SDC4: variants seen among roughly 807,000 people sequenced by gnomAD.
The protein encoded by SDC4 is syndecan-4.
In SDC4, 17 loss-of-function variants were observed where a neutral mutation model predicts 20.5. The ratio of observed to expected loss-of-function variants is 0.83; its 90% CI spans 0.57 to 1.25. The LOEUF (loss-of-function observed/expected upper bound fraction) is 1.25. SDC4 is among the 50% of genes most tolerant of loss of function. The pLI is 0.00. For synonymous variants in SDC4, 107 were observed against 105.3 expected, an observed-to-expected ratio of 1.02 and a Z score of -0.10; for missense variants, 241 against 252.3, an observed-to-expected ratio of 0.96 and a Z score of 0.30.
In SDC4 at chr20:45,348,214, G is replaced by C. The variant is rs1019768125; in HGVS notation, c.60+111C>G. ...TTTCCCGGGCCTCGGTGTCCGGTTG[G>C]GGGTAGCGTACCCCCGATCTGCCCC... is the stretch of plus-strand genomic sequence containing the variant. On this transcript the variant is annotated intron_variant, in intron 1 of 4. Coordinates refer to ENST00000372733, the MANE Select transcript of SDC4 (RefSeq NM_002999.4). The C allele has an allele frequency of 6.8e-6, 7 of 1,026,986 alleles. No homozygotes were observed. The East Asian group carries it at 1.4e-4, about 21-fold the overall frequency. 63.6% of individuals were successfully genotyped at this position (1,026,986 alleles called of 1,614,324 possible). A position where few individuals can be genotyped will look rare whatever the true frequency, so the allele number is the denominator to read the frequency against.
chr20:45,345,290 AAGAG>A (rs1988015795), intron 1 of SDC4: 1 of 152,280 alleles, frequency 6.6e-6, no homozygotes, highest in South Asian at 2.1e-4. Context: ...TAATTCCTTC[AAGAG>A]AGAGACCTCT....
chr20:45,330,579 A>G lies in SDC4; in HGVS notation c.247-15T>C, dbSNP rs1380720687. Reference sequence around the variant, plus strand: ...TCTAGAGGCACCTGGATGGGCGGAAAGGAGAAGAGACACTCAGCGTATTTT... The same window carrying G: ...TCTAGAGGCACCTGGATGGGCGGAAGGGAGAAGAGACACTCAGCGTATTTT... On this transcript the variant is annotated splice_polypyrimidine_tract_variant and intron_variant, in intron 3 of 4. Transcript: ENST00000372733. The G allele has an allele frequency of 6.2e-7, 1 of 1,611,398 alleles. No homozygotes were observed. Among genetic ancestry groups the G allele is most frequent in the African/African-American group, 1.3e-5 (1 of 74,860 alleles).
Position 45,333,080 on chromosome 20 carries a change from A to C in SDC4, c.200-11T>G. ...AGTCTTCCAAGTCATCTGTAAGGTC[A>C]GAATAGCTGTGTGAGTGAGGTCCAT... On this transcript the variant is annotated splice_polypyrimidine_tract_variant and intron_variant, in intron 2 of 4. Transcript: ENST00000372733. The C allele has an allele frequency of 6.2e-7, 1 of 1,614,118 alleles. No homozygotes were observed. The highest frequency in any genetic ancestry group is 8.5e-7 in the Non-Finnish European group (1 of 1,179,926).
chr20:45,334,222 C>G (rs969020001), intron 2 of SDC4, among the ~76,000 whole-genome samples: 2 of 151,996 alleles, frequency 1.3e-5, no homozygotes, highest in African/African-American at 4.8e-5. Flanking sequence ...TGGTCTCGAT[C>G]TCTTGACCTT....
intron 1 of SDC4, among the ~76,000 whole-genome samples, chr20:45,336,875 C>T (rs887957259): frequency 2.6e-5 from 4 of 151,974 alleles, no homozygotes; most frequent in Non-Finnish European, 5.9e-5. Flanking sequence ...TGGATTCAGT[C>T]TTGCCTTCCA....
At chr20:45,348,183 A>G (rs1033732803) in intron 1 of SDC4, 142 bp downstream of exon 1, 28 of 845,270 alleles carry the variant, frequency 3.3e-5, no homozygotes, top group Non-Finnish European at 5.1e-5. Flanking sequence ...AAAGTTTCCA[A>G]CAAAGTTTCC....
At chr20:45,328,104 G>T (rs1041698035) in intron 4 of SDC4, among the ~76,000 whole-genome samples, 3 of 152,172 alleles carry the variant, frequency 2.0e-5, no homozygotes, top group African/African-American at 7.2e-5. Context: ...TTAGCACAGG[G>T]CACTCTCTAG....
chr20:45,336,293 G>C (rs2741470), intron 1 of SDC4, among the ~76,000 whole-genome samples: 1 of 152,102 alleles, frequency 6.6e-6, no homozygotes, highest in South Asian at 2.1e-4. Flanking sequence ...TACGCCTGTA[G>C]TCCCAGCTAC....
In SDC4 at chr20:45,330,436, C is replaced by T. The variant is rs1228960136; in HGVS notation, c.375G>A (p.Val125=). 2 of 1,614,216 alleles carry T rather than the reference C, an allele frequency of 1.2e-6. No homozygotes were observed. The highest frequency in any genetic ancestry group is 2.2e-5 in the South Asian group (2 of 91,082). ...TGCTGGACATTGACACCTTGTTGGA[C>T]ACATCCTCACTCTCTTCAACGGGTG... ...RISPVEESED[V]SNKVSMSSTV... Residue 125 remains valine, a synonymous_variant, in exon 4 of 5, where the codon GTG becomes GTA. Coordinates refer to ENST00000372733, the MANE Select transcript of SDC4 (RefSeq NM_002999.4).
intron 4 of SDC4, among the ~76,000 whole-genome samples, chr20:45,327,712 C>T (rs1430500416): frequency 6.6e-6 from 1 of 152,168 alleles, no homozygotes; most frequent in Non-Finnish European, 1.5e-5. Flanking sequence ...GGCGTGATCT[C>T]GGCTTACTGC....
chr20:45,342,577 G>A (rs1029918696), intron 1 of SDC4, among the ~76,000 whole-genome samples: 5 of 152,114 alleles, frequency 3.3e-5, no homozygotes, highest in Admixed American at 6.5e-5. Flanking sequence ...CCGAGCTCCC[G>A]GGCCTGGAGG....
At chr20:45,327,691 C>T (rs1461780093) in intron 4 of SDC4, among the ~76,000 whole-genome samples, 1 of 54,686 alleles carries the variant, frequency 1.8e-5, no homozygotes, top group South Asian at 5.0e-4. Context: ...GTTGCCCGAG[C>T]TGAGTGCAGT....
In SDC4 at chr20:45,348,391, G is replaced by A. The variant is rs1466990314; in HGVS notation, c.-7C>T. The A allele has an allele frequency of 1.9e-6, 3 of 1,567,136 alleles. No homozygotes were observed. The highest frequency in any genetic ancestry group is 2.3e-5 in the South Asian group (2 of 85,926). On this transcript the variant is annotated 5_prime_UTR_variant, in exon 1 of 5. Coordinates refer to ENST00000372733, the MANE Select transcript of SDC4 (RefSeq NM_002999.4). Reference sequence around the variant, plus strand: ...ACAGACGGGCGGGGGCCATGGCACCGCGGACTGGAGAAGGCGCGCAGGCTG... The same window carrying A: ...ACAGACGGGCGGGGGCCATGGCACCACGGACTGGAGAAGGCGCGCAGGCTG...
chr20:45,332,421 A>G (rs1987792147), intron 3 of SDC4, among the ~76,000 whole-genome samples: 2 of 152,092 alleles, frequency 1.3e-5, no homozygotes, highest in Admixed American at 1.3e-4. Flanking sequence ...TTAGCCTCCC[A>G]AAGTGCTGGG....
At chr20:45,337,575 C>T (rs1174422559) in intron 1 of SDC4, among the ~76,000 whole-genome samples, 1 of 152,234 alleles carries the variant, frequency 6.6e-6, no homozygotes, top group East Asian at 1.9e-4. Flanking sequence ...CAGTCCTTCA[C>T]TCAGCTGAGA....
Position 45,330,523 on chromosome 20 carries a change from C to T in SDC4, c.288G>A (p.Gly96=). 6.2e-7 allele frequency: 1 copy of T among 1,614,090 alleles called. No individual in the cohort carries two copies. The highest frequency in any genetic ancestry group is 8.5e-7 in the Non-Finnish European group (1 of 1,180,026). The stretch of plus-strand genomic sequence containing the variant: ...TCTTGGGTTCGGTGGGGACTTGGCT[C>T]CCAGACCCTGCCCTCTCAGGGATAT... The part of the protein sequence containing the change: ...DNHIPERAGS[G]SQVPTEPKKL... Residue 96 remains glycine (G), a synonymous_variant, in exon 4 of 5, where the codon GGG becomes GGA. Transcript: ENST00000372733.
intron 4 of SDC4, among the ~76,000 whole-genome samples, chr20:45,328,833 C>T (rs545156764): frequency 2.0e-5 from 3 of 152,242 alleles, no homozygotes; most frequent in African/African-American, 7.2e-5. Context: ...CAAAAAAGTA[C>T]CCCCAGGAGG....
intron 1 of SDC4, among the ~76,000 whole-genome samples, chr20:45,337,100 T>A (rs747516957): frequency 2.6e-5 from 4 of 152,032 alleles, no homozygotes; most frequent in Non-Finnish European, 5.9e-5. Flanking sequence ...CTACAGTACA[T>A]CAGTTACCCT....
intron 1 of SDC4, 114 bp downstream of exon 1, chr20:45,348,211 T>C: frequency 2.0e-6 from 2 of 1,004,800 alleles, no homozygotes; most frequent in Non-Finnish European, 3.0e-6. Context: ...CGGTGTCCGG[T>C]TGGGGGTAGC....
Sources: allele counts gnomAD v4.1 joint callset (sites outside exome capture counted in the v4.1 genomes callset), GRCh38; gene constraint gnomAD v4.1.1; transcripts MANE v1.5; gene names NCBI Gene and HGNC (gene_info 2026-07-23, HGNC 2026-07-21).